DNAH9: variants seen among roughly 807,000 people sequenced by gnomAD.
The protein encoded by DNAH9 is dynein axonemal heavy chain 9.
Under a neutral mutation model 471.6 loss-of-function variants are expected in DNAH9, and 345 were observed. The observed-to-expected ratio is 0.73, with a 90% CI of 0.67 to 0.80. The LOEUF (loss-of-function observed/expected upper bound fraction) is 0.80, where lower values mean the gene tolerates loss of function less well. Among genes scored for constraint, DNAH9 ranks in the 30% least tolerant of loss-of-function variants. The pLI is 0.00. For missense variants in DNAH9, 5,407 were observed against 5,609.2 expected (o/e 0.96, Z 1.15); for synonymous variants, 2,093 against 2,123.6 (o/e 0.99, Z 0.40).
chr17:11,653,024 C>T (rs760979103), intron 14 of DNAH9, 22 bp downstream of exon 14: 32 of 1,610,780 alleles, frequency 2.0e-5, no homozygotes, highest in Non-Finnish European at 2.6e-5. Flanking sequence ...GCCACTCAGG[C>T]GCACATACTA....
chr17:11,916,309 T>C (rs1179076269), intron 61 of DNAH9, among the ~76,000 whole-genome samples: 1 of 152,214 alleles, frequency 6.6e-6, no homozygotes, highest in Non-Finnish European at 1.5e-5. Flanking sequence ...GAATACGTTA[T>C]CTCAGCCCTG....
intron 42 of DNAH9, 99 bp from the exon 43 acceptor site, chr17:11,797,498 T>G: frequency 1.0e-6 from 1 of 992,130 alleles, no homozygotes; most frequent in Middle Eastern, 3.4e-4. Context: ...TGATGCCTAA[T>G]TTCCAGGGAA....
In DNAH9 at chr17:11,954,786, AAAGAG is replaced by A. The variant is rs552998778; in HGVS notation, c.12844-7079_12844-7075del. ...CTTCGTCTTAAAAAAAAAAAAAAAAAAAGAGAGAGAAAGAAATTTCTTAGAAAGAA... is the reference window on the plus strand; with the variant it reads ...CTTCGTCTTAAAAAAAAAAAAAAAAAAGAGAAAGAAATTTCTTAGAAAGAA... On this transcript the variant is annotated intron_variant, in intron 67 of 68. Coordinates refer to ENST00000262442, the MANE Select transcript of DNAH9 (RefSeq NM_001372.4). Among the ~76,000 whole-genome samples, 65 of 144,854 alleles carry A rather than the reference AAAGAG, an allele frequency of 4.5e-4. 2 individuals carry two copies. The highest frequency in any genetic ancestry group is 3.6e-3 in the Middle Eastern group (1 of 276).
chr17:11,941,746 AT>A (rs1974921687), intron 66 of DNAH9, among the ~76,000 whole-genome samples: 1 of 152,126 alleles, frequency 6.6e-6, no homozygotes, highest in Admixed American at 6.5e-5. Context: ...ATAGTGATAG[AT>A]TAGATAGATG....
intron 61 of DNAH9, among the ~76,000 whole-genome samples, chr17:11,913,208 T>A (rs560881752): frequency 5.3e-5 from 8 of 152,304 alleles, no homozygotes; most frequent in Non-Finnish European, 1.0e-4. Context: ...GTATTAATTC[T>A]CATGAATGTT....
intron 45 of DNAH9, among the ~76,000 whole-genome samples, chr17:11,821,601 C>CA (rs1970312197): frequency 6.6e-6 from 1 of 151,810 alleles, no homozygotes; most frequent in South Asian, 2.1e-4. Context: ...GGGCACAATA[C>CA]AAAAAGGGCA....
At chr17:11,931,899 A>G in intron 63 of DNAH9, 115 bp from the exon 64 acceptor site, 1 of 1,281,922 alleles carries the variant, frequency 7.8e-7, no homozygotes, top group Non-Finnish European at 1.1e-6. Context: ...ACTCAAACCC[A>G]AACCAGAATA....
chr17:11,629,831 C>A (rs570049984), intron 7 of DNAH9, among the ~76,000 whole-genome samples: 1 of 152,196 alleles, frequency 6.6e-6, no homozygotes, highest in African/African-American at 2.4e-5. Flanking sequence ...CTGCTCCAGA[C>A]TAATGACACC....
intron 52 of DNAH9, among the ~76,000 whole-genome samples, chr17:11,872,874 A>AG (rs1341821752): frequency 6.6e-6 from 1 of 152,202 alleles, no homozygotes; most frequent in African/African-American, 2.4e-5. Context: ...GAGCCAAGAT[A>AG]GCACCACTGC....
intron 52 of DNAH9, 84 bp from the exon 53 acceptor site, chr17:11,874,865 G>T (rs952721958): frequency 7.3e-6 from 7 of 955,944 alleles, no homozygotes; most frequent in Non-Finnish European, 1.2e-5. Flanking sequence ...AAGGAGTTGT[G>T]TCATTTGGTG....
intron 43 of DNAH9, among the ~76,000 whole-genome samples, chr17:11,803,053 T>C (rs1969526357): frequency 6.6e-6 from 1 of 152,232 alleles, no homozygotes; most frequent in Non-Finnish European, 1.5e-5. Flanking sequence ...GTAGGGTTGT[T>C]GCTATCTATG....
chr17:11,917,311 C>T (rs1040178037), intron 61 of DNAH9, among the ~76,000 whole-genome samples: 6 of 152,090 alleles, frequency 3.9e-5, no homozygotes, highest in African/African-American at 1.4e-4. Flanking sequence ...CGCCCACCAC[C>T]ATTCCTGGCT....
At chr17:11,762,917 G>A (rs748746598) in intron 35 of DNAH9, among the ~76,000 whole-genome samples, 18 of 151,370 alleles carry the variant, frequency 1.2e-4, no homozygotes, top group Non-Finnish European at 2.4e-4. Context: ...GTAGCTGGGA[G>A]TACAGGTGCC....
chr17:11,886,902 A>G lies in DNAH9; in HGVS notation c.11049A>G (p.Ser3683=), dbSNP rs752030870. 2 of 1,613,038 alleles carry G rather than the reference A, an allele frequency of 1.2e-6. No homozygotes were observed. Among genetic ancestry groups the G allele is most frequent in the African/African-American group, 2.7e-5 (2 of 74,926 alleles). ...ACCGGCCAGCAGCTGCCAGGGCCTC[A>G]CTGCTCTACTTCATCATGAACGACC... ...EHYRPAAARA[S]LLYFIMNDLS... is the part of the protein sequence containing the mutation. The change falls in exon 57 of 69, where the codon TCA becomes TCG. Residue 3683 remains serine (S), a synonymous_variant. Transcript: ENST00000262442.
chr17:11,694,626 CTTTCTT>C (rs1567724484), intron 22 of DNAH9, among the ~76,000 whole-genome samples, 179 bp downstream of exon 22: 16 of 4,498 alleles, frequency 3.6e-3, no homozygotes, highest in African/African-American at 4.0e-3. Flanking sequence ...TGCTTTCTTG[CTTTCTT>C]GCTTTCTTGC....
At chr17:11,966,051 T>C (rs1341057880) in intron 68 of DNAH9, among the ~76,000 whole-genome samples, 3 of 152,150 alleles carry the variant, frequency 2.0e-5, no homozygotes, top group African/African-American at 7.2e-5. Flanking sequence ...TTTGAAGAGA[T>C]AATGACCCAA....
intron 27 of DNAH9, 82 bp from the exon 28 acceptor site, chr17:11,727,736 A>T: frequency 1.1e-6 from 1 of 897,500 alleles, no homozygotes; most frequent in Non-Finnish European, 1.9e-6. Flanking sequence ...AGTATCTATA[A>T]TAAAGGGGAT....
chr17:11,841,614 G>T (rs969436298), intron 49 of DNAH9, among the ~76,000 whole-genome samples: 7 of 152,118 alleles, frequency 4.6e-5, no homozygotes, highest in South Asian at 4.1e-4. Flanking sequence ...TCTGTCCTTT[G>T]TCCCGTACCT....
At chr17:11,785,105 C>T (rs1174761013) in intron 41 of DNAH9, among the ~76,000 whole-genome samples, 3 of 152,002 alleles carry the variant, frequency 2.0e-5, no homozygotes, top group Admixed American at 6.6e-5. Context: ...ATAGTGATGG[C>T]GTATCTCTGC....
Sources: gnomAD v4.1 joint callset for allele counts (sites outside exome capture counted in the v4.1 genomes callset) on GRCh38, gnomAD v4.1.1 for gene constraint, MANE v1.5 for transcripts, NCBI Gene and HGNC (gene_info 2026-07-23, HGNC 2026-07-21) for gene names.